EPG5: variants seen among roughly 807,000 people sequenced by gnomAD.
EPG5 encodes the protein ectopic P-granules 5 autophagy tethering factor.
In EPG5, 159 loss-of-function variants were observed where a neutral mutation model predicts 302.7. The ratio of observed to expected loss-of-function variants is 0.53; its 90% CI spans 0.46 to 0.60. The LOEUF (loss-of-function observed/expected upper bound fraction) is 0.60. EPG5 is among the 20% of genes least tolerant of loss of function. EPG5 has a pLI of 0.00. For missense variants in EPG5, 2,896 were observed against 3,092.4 expected, an observed-to-expected ratio of 0.94 and a Z score of 1.51; for synonymous variants, 1,158 against 1,136.8, an observed-to-expected ratio of 1.02 and a Z score of -0.37.
Position 45,865,603 on chromosome 18 carries a change from C to A in EPG5, c.6766+12G>T, listed in dbSNP as rs1252333867. The A allele has an allele frequency of 1.9e-6, 3 of 1,613,594 alleles. No individual in the cohort carries two copies. Among genetic ancestry groups the A allele is most frequent in the Non-Finnish European group, 2.5e-6 (3 of 1,179,720 alleles). ...GACTGAATGAATACAGGACTTCCGA[C>A]TGGTCACTTACCGGGCGGGTTAAAG... On this transcript the variant is annotated intron_variant, in intron 39 of 43. Coordinates refer to ENST00000282041, the MANE Select transcript of EPG5 (RefSeq NM_020964.3).
the EPG5 span, chr18:45,829,285 C>G: frequency 2.6e-6 from 1 of 388,840 alleles, no homozygotes; most frequent in Non-Finnish European, 3.5e-6. Flanking sequence ...GCTGGCCTTT[C>G]ACTCACTACT....
At chr18:45,938,183 G>A (rs1278185422) in intron 10 of EPG5, among the ~76,000 whole-genome samples, 1 of 152,112 alleles carries the variant, frequency 6.6e-6, no homozygotes, top group East Asian at 1.9e-4. Flanking sequence ...AGATAAGGCC[G>A]GGTGAAGTGG....
chr18:45,813,176 G>C, the EPG5 span, among the ~76,000 whole-genome samples: 1 of 152,154 alleles, frequency 6.6e-6, no homozygotes, highest in Non-Finnish European at 1.5e-5. Context: ...TGCTCATCAT[G>C]ACTGGCCATC....
At chr18:45,944,659 G>C (rs910780396) in intron 7 of EPG5, among the ~76,000 whole-genome samples, 2 of 152,102 alleles carry the variant, frequency 1.3e-5, no homozygotes, top group African/African-American at 4.8e-5. Flanking sequence ...GGAGGCCAAG[G>C]CATGAGAATT....
chr18:45,835,275 A>G, the EPG5 span, among the ~76,000 whole-genome samples: 5 of 152,212 alleles, frequency 3.3e-5, no homozygotes, highest in Admixed American at 3.3e-4. Context: ...AGACCAGACC[A>G]GTAAAGGTAA....
the EPG5 span, chr18:45,837,508 C>A: frequency 4.0e-6 from 6 of 1,487,680 alleles, no homozygotes; most frequent in Non-Finnish European, 5.3e-6. Flanking sequence ...CCGCCCCGCC[C>A]TCAGGCTCGC....
chr18:45,962,011 GTTTT>G (rs1274661055), intron 1 of EPG5, among the ~76,000 whole-genome samples: 1 of 152,036 alleles, frequency 6.6e-6, no homozygotes, highest in Non-Finnish European at 1.5e-5. Context: ...TAGCTTGCTT[GTTTT>G]TTGTCTTCTC....
chr18:45,815,529 C>G, the EPG5 span, among the ~76,000 whole-genome samples: 1 of 152,030 alleles, frequency 6.6e-6, no homozygotes, highest in Admixed American at 6.6e-5. Context: ...AGAACTCAAC[C>G]CTTTCACAAT....
chr18:45,888,891 T>G (rs2049275546), intron 28 of EPG5, among the ~76,000 whole-genome samples: 1 of 152,220 alleles, frequency 6.6e-6, no homozygotes, highest in Non-Finnish European at 1.5e-5. Context: ...TTTATATAAT[T>G]TTTTTAAACA....
rs935167538 is a variant in EPG5 at position 45,916,225 on chromosome 18, T to C, written c.3385-19A>G. 1 of 1,594,752 alleles carries C rather than the reference T, an allele frequency of 6.3e-7. No individual in the cohort carries two copies. The highest frequency in any genetic ancestry group is 1.4e-5 in the African/African-American group (1 of 73,852). ...TGTGTGCCTGTGGAGAAAAGGCTCA[T>C]GTGATGGGAAAGATAACAACCAGCC... is the stretch of plus-strand genomic sequence containing the variant. On this transcript the variant is annotated intron_variant, in intron 18 of 43. Coordinates refer to ENST00000282041, the MANE Select transcript of EPG5 (RefSeq NM_020964.3).
intron 32 of EPG5, among the ~76,000 whole-genome samples, chr18:45,879,659 G>A (rs544323841): frequency 4.6e-5 from 7 of 152,330 alleles, no homozygotes; most frequent in South Asian, 2.1e-4. Context: ...ATGAGCCACC[G>A]CGCCAGGCCA....
intron 28 of EPG5, among the ~76,000 whole-genome samples, chr18:45,888,896 T>A (rs1009513205): frequency 6.6e-6 from 1 of 152,232 alleles, no homozygotes; most frequent in Admixed American, 6.5e-5. Context: ...ATAATTTTTT[T>A]AAACACAAAA....
chr18:45,851,200 TA>T lies in EPG5; in HGVS notation c.*1266del, dbSNP rs1183302522. ...TGGTGGCTGTTTAGACATTTTTAGG[TA>T]AATATTCTCAGGCTACAGACTACCC... On this transcript the variant is annotated 3_prime_UTR_variant, in exon 44 of 44. Coordinates refer to ENST00000282041, the MANE Select transcript of EPG5 (RefSeq NM_020964.3). 1 of 152,148 alleles carries T rather than the reference TA, an allele frequency of 6.6e-6. No homozygotes were observed. Among genetic ancestry groups the T allele is most frequent in the African/African-American group, 2.4e-5 (1 of 41,434 alleles). 9.4% of individuals were successfully genotyped at this position (152,148 alleles called of 1,614,324 possible). A position where few individuals can be genotyped will look rare whatever the true frequency, so the allele number is the denominator to read the frequency against.
intron 43 of EPG5, among the ~76,000 whole-genome samples, chr18:45,853,328 C>T (rs1243692878): frequency 6.6e-6 from 1 of 152,226 alleles, no homozygotes; most frequent in East Asian, 1.9e-4. Context: ...GTTTCCATGC[C>T]TCTCTTCAGA....
At chr18:45,956,423 T>C (rs1190758414) in intron 1 of EPG5, among the ~76,000 whole-genome samples, 1 of 152,174 alleles carries the variant, frequency 6.6e-6, no homozygotes. Flanking sequence ...ATCCTACTAT[T>C]GTACCAACAT....
Position 45,879,509 on chromosome 18 carries a change from A to G in EPG5, c.5668-295T>C, listed in dbSNP as rs1055012312. Among the ~76,000 whole-genome samples the G allele has an allele frequency of 5.9e-5, 9 of 152,238 alleles. No individual in the cohort carries two copies. The South Asian group carries it at 1.9e-3, about 32-fold the overall frequency. On this transcript the variant is annotated intron_variant, in intron 32 of 43. Transcript: ENST00000282041. Reference sequence around the variant, plus strand: ...CAGCCTCCTGAGTAGCTGGGACTACAGGCGTGCACCACCATGCCCAGCTCA... The same window carrying G: ...CAGCCTCCTGAGTAGCTGGGACTACGGGCGTGCACCACCATGCCCAGCTCA...
chr18:45,882,137 T>C, intron 31 of EPG5, 137 bp downstream of exon 31: 2 of 781,890 alleles, frequency 2.6e-6, no homozygotes, highest in East Asian at 2.7e-5. Flanking sequence ...CATCAAGCCC[T>C]TTAGATGACA....
rs952912566 is a variant in EPG5 at position 45,850,767 on chromosome 18, A to G, written c.*1700T>C. On this transcript the variant is annotated 3_prime_UTR_variant, in exon 44 of 44. Transcript: ENST00000282041. Reference sequence around the variant, plus strand: ...TCACTCAAAAATTTCACATCCTAGGATATCAGTAATTATATCCTCCTCAAA... The same window carrying G: ...TCACTCAAAAATTTCACATCCTAGGGTATCAGTAATTATATCCTCCTCAAA... 6.6e-6 allele frequency: 1 copy of G among 152,654 alleles called. No homozygotes were observed. Among genetic ancestry groups the G allele is most frequent in the Non-Finnish European group, 1.5e-5 (1 of 68,032 alleles). The allele number at this position is 152,654 out of a possible 1,614,324, so 9.5% of individuals were successfully genotyped here.
intron 11 of EPG5, among the ~76,000 whole-genome samples, chr18:45,933,133 G>A (rs151161991): frequency 1.5e-4 from 23 of 152,264 alleles, no homozygotes; most frequent in African/African-American, 4.8e-4. Flanking sequence ...AGAAATAGCC[G>A]CCAGAGGACA....
Sources: gnomAD v4.1 joint callset for allele counts (sites outside exome capture counted in the v4.1 genomes callset) on GRCh38, gnomAD v4.1.1 for gene constraint, MANE v1.5 for transcripts, NCBI Gene and HGNC (gene_info 2026-07-23, HGNC 2026-07-21) for gene names.